Variants in RPS6KA5 observed in about 807,000 individuals in gnomAD.
The protein encoded by RPS6KA5 is ribosomal protein S6 kinase A5.
A neutral mutation model predicts 85.5 loss-of-function variants in RPS6KA5; 27 were observed. The ratio of observed to expected loss-of-function variants is 0.32; its 90% CI spans 0.23 to 0.44. RPS6KA5 has a LOEUF of 0.44. Among genes scored for constraint, RPS6KA5 ranks in the 20% least tolerant of loss-of-function variants. RPS6KA5 has a pLI of 1.00. For missense variants in RPS6KA5, 811 were observed against 980.9 expected (o/e 0.83, Z 2.31); for synonymous variants, 334 against 348.2 (o/e 0.96, Z 0.46).
rs138081118 is a variant in RPS6KA5 at position 91,057,007 on chromosome 14, G to T, written c.103+3325C>A. Among the ~76,000 whole-genome samples the T allele has an allele frequency of 1.9e-3, 277 of 148,918 alleles. 1 individual carries two copies. Among genetic ancestry groups the T allele is most frequent in the African/African-American group, 6.2e-3 (251 of 40,584 alleles). The stretch of plus-strand genomic sequence containing the variant: ...AGAACCTCCTGCCTCAGCCTCCCGA[G>T]TAGCTGGGACTACAGGTACGTGCCA... On this transcript the variant is annotated intron_variant, in intron 1 of 16. Coordinates refer to ENST00000614987, the MANE Select transcript of RPS6KA5 (RefSeq NM_004755.4).
intron 7 of RPS6KA5, 105 bp from the exon 8 acceptor site, chr14:90,906,404 T>A (rs536295304): frequency 8.2e-6 from 7 of 858,552 alleles, no homozygotes; most frequent in Non-Finnish European, 1.2e-5. Context: ...AAGAGAGATA[T>A]AAATACTTAA....
In RPS6KA5 at chr14:90,987,218, T is replaced by C. The variant is rs571169276; in HGVS notation, c.176-8694A>G. On this transcript the variant is annotated intron_variant, in intron 2 of 16. Coordinates refer to ENST00000614987, the MANE Select transcript of RPS6KA5 (RefSeq NM_004755.4). ...TTGAATGACAATTTTGACAATTTAATGAATACATGCTTTTAAAGGTATTAT... is the reference window on the plus strand; with the variant it reads ...TTGAATGACAATTTTGACAATTTAACGAATACATGCTTTTAAAGGTATTAT... Among the ~76,000 whole-genome samples the C allele has an allele frequency of 1.1e-4, 16 of 152,360 alleles. No homozygotes were observed. In the South Asian group the frequency reaches 3.1e-3, roughly 30 times the overall value.
At chr14:90,976,259 T>C (rs567591038) in intron 3 of RPS6KA5, among the ~76,000 whole-genome samples, 4 of 139,298 alleles carry the variant, frequency 2.9e-5, no homozygotes, top group East Asian at 2.1e-4. Flanking sequence ...GGCTAGAGAG[T>C]AATGGTGCAG....
chr14:91,059,842 C>T (rs1595586407), intron 1 of RPS6KA5, among the ~76,000 whole-genome samples: 1 of 152,262 alleles, frequency 6.6e-6, no homozygotes, highest in South Asian at 2.1e-4. Flanking sequence ...TCCCGTTTAT[C>T]TCCTACAGGA....
chr14:90,882,426 C>T (rs1284789941), intron 14 of RPS6KA5, among the ~76,000 whole-genome samples: 2 of 152,216 alleles, frequency 1.3e-5, no homozygotes, highest in African/African-American at 2.4e-5. Flanking sequence ...CACAATAATG[C>T]TAGCTTTTTA....
In RPS6KA5 at chr14:90,869,560, C is replaced by T. The variant is rs1020294664; in HGVS notation, c.*2514G>A. 2.6e-5 allele frequency: 4 copies of T among 152,028 alleles called. No homozygotes were observed. The highest frequency in any genetic ancestry group is 2.1e-4 in the South Asian group (1 of 4,820). The allele number at this position is 152,028 out of a possible 1,614,324, so 9.4% of individuals were successfully genotyped here. A position where few individuals can be genotyped will look rare whatever the true frequency, so the allele number is the denominator to read the frequency against. On this transcript the variant is annotated 3_prime_UTR_variant, in exon 17 of 17. Coordinates refer to ENST00000614987, the MANE Select transcript of RPS6KA5 (RefSeq NM_004755.4). The stretch of plus-strand genomic sequence containing the variant: ...GGAGGGGGTGGTGTGGCTCTAGTCC[C>T]AAAGTTAATGTCATAAGGAGAAATA...
At chr14:90,953,724 T>C (rs1050186225) in intron 3 of RPS6KA5, among the ~76,000 whole-genome samples, 2 of 152,196 alleles carry the variant, frequency 1.3e-5, no homozygotes, top group Non-Finnish European at 2.9e-5. Context: ...TCTTATGCAG[T>C]TGAGATAAGG....
At chr14:91,039,149 A>G (rs780812379) in intron 1 of RPS6KA5, among the ~76,000 whole-genome samples, 1 of 152,088 alleles carries the variant, frequency 6.6e-6, no homozygotes, top group African/African-American at 2.4e-5. Context: ...TCTAGTCCCA[A>G]TCCCCTGAAG....
intron 14 of RPS6KA5, among the ~76,000 whole-genome samples, chr14:90,875,766 G>A (rs954189036): frequency 1.3e-5 from 2 of 151,068 alleles, no homozygotes; most frequent in African/African-American, 4.9e-5. Context: ...CATGGATGAA[G>A]CTGGAAACCA....
chr14:90,892,562 T>A (rs1408896975), intron 13 of RPS6KA5, among the ~76,000 whole-genome samples: 3 of 147,502 alleles, frequency 2.0e-5, no homozygotes, highest in African/African-American at 7.8e-5. Context: ...TGTATGCAAC[T>A]TTTCTTAATC....
At chr14:90,901,625 T>C (rs2035176159) in intron 9 of RPS6KA5, among the ~76,000 whole-genome samples, 1 of 152,136 alleles carries the variant, frequency 6.6e-6, no homozygotes, top group Admixed American at 6.5e-5. Context: ...TAAAAAAATG[T>C]TCAATAAGTG....
rs370012302 is a variant in RPS6KA5 at position 90,877,611 on chromosome 14, T to C, written c.1837-2251A>G. ...GCCTTTCTTTTTCAGCCTCAGCTTC[T>C]GCAGTTCCCCATATTCCAATCCTGT... is the stretch of plus-strand genomic sequence containing the variant. On this transcript the variant is annotated intron_variant, in intron 14 of 16. Coordinates refer to ENST00000614987, the MANE Select transcript of RPS6KA5 (RefSeq NM_004755.4). 1.6e-4 allele frequency among the ~76,000 whole-genome samples: 25 copies of C among 152,342 alleles called. No homozygotes were observed. In the East Asian group the frequency reaches 2.5e-3, roughly 15 times the overall value.
At chr14:90,887,450 G>C (rs1393903419) in intron 14 of RPS6KA5, among the ~76,000 whole-genome samples, 1 of 151,692 alleles carries the variant, frequency 6.6e-6, no homozygotes, top group Non-Finnish European at 1.5e-5. Context: ...TTGGCCTCCC[G>C]AAGTGCTGGG....
chr14:90,977,776 T>C (rs779535371), intron 3 of RPS6KA5, among the ~76,000 whole-genome samples: 6 of 152,140 alleles, frequency 3.9e-5, no homozygotes, highest in Non-Finnish European at 5.9e-5. Flanking sequence ...AAGGAAAGGC[T>C]GGAAGTGACA....
At chr14:90,922,769 A>C (rs1025861626) in intron 6 of RPS6KA5, among the ~76,000 whole-genome samples, 2 of 152,180 alleles carry the variant, frequency 1.3e-5, no homozygotes, top group Non-Finnish European at 2.9e-5. Context: ...TTTGTACTCT[A>C]AGAAATAGGC....
rs985686577 is a variant in RPS6KA5, at chr14:90,858,166, T to C, written c.*13908A>G. 6 of 152,186 alleles carry C rather than the reference T, an allele frequency of 3.9e-5. No individual in the cohort carries two copies. Among genetic ancestry groups the C allele is most frequent in the African/African-American group, 1.4e-4 (6 of 41,450 alleles). The allele number at this position is 152,186 out of a possible 1,614,324, so 9.4% of individuals were successfully genotyped here. A position where few individuals can be genotyped will look rare whatever the true frequency, so the allele number is the denominator to read the frequency against. ...AAAAAGTACAGCTCACTGCCAGCAT[T>C]CATTTAATTTTACGTAAACACATTC... On this transcript the variant is annotated 3_prime_UTR_variant, in exon 17 of 17. Coordinates refer to ENST00000614987, the MANE Select transcript of RPS6KA5 (RefSeq NM_004755.4).
chr14:91,048,728 G>C (rs576572309), intron 1 of RPS6KA5, among the ~76,000 whole-genome samples: 1 of 152,304 alleles, frequency 6.6e-6, no homozygotes, highest in Non-Finnish European at 1.5e-5. Context: ...GGTGCACAGA[G>C]AGATCTGTAA....
intron 3 of RPS6KA5, among the ~76,000 whole-genome samples, chr14:90,967,147 C>G (rs1320788046): frequency 6.6e-6 from 1 of 152,186 alleles, no homozygotes; most frequent in Non-Finnish European, 1.5e-5. Context: ...AATTGACTTA[C>G]AGTCCATACA....
At chr14:90,877,140 T>C (rs904532082) in intron 14 of RPS6KA5, among the ~76,000 whole-genome samples, 6 of 152,196 alleles carry the variant, frequency 3.9e-5, no homozygotes, top group Non-Finnish European at 8.8e-5. Context: ...TAGAAGGCTT[T>C]GGACAAGTTT....
Sources: allele counts gnomAD v4.1 joint callset (sites outside exome capture counted in the v4.1 genomes callset), GRCh38; gene constraint gnomAD v4.1.1; transcripts MANE v1.5; gene names NCBI Gene and HGNC (gene_info 2026-07-23, HGNC 2026-07-21).